The following NEGR1 variants were observed in gnomAD, a reference collection of about 807,000 sequenced individuals.
NEGR1 encodes IgLON family member 4.
A neutral mutation model predicts 40.9 loss-of-function variants in NEGR1; 10 were observed. That is an observed-to-expected ratio of 0.24 (90% CI 0.15 to 0.42). The LOEUF (loss-of-function observed/expected upper bound fraction) is 0.42, where lower values mean the gene tolerates loss of function less well. NEGR1 is among the 10% of genes least tolerant of loss of function. NEGR1 has a pLI of 1.00. For missense variants in NEGR1, 352 were observed against 438.9 expected, an observed-to-expected ratio of 0.80 and a Z score of 1.77; for synonymous variants, 185 against 166.8, an observed-to-expected ratio of 1.11 and a Z score of -0.84.
At chr1:71,657,037 G>A (rs1203074009) in intron 4 of NEGR1, among the ~76,000 whole-genome samples, 1 of 152,180 alleles carries the variant, frequency 6.6e-6, no homozygotes, top group African/African-American at 2.4e-5. Flanking sequence ...AATAAAGAAA[G>A]ATGCAAGAGT....
intron 2 of NEGR1, among the ~76,000 whole-genome samples, chr1:71,841,353 A>G (rs1233368009): frequency 1.3e-5 from 2 of 152,190 alleles, no homozygotes; most frequent in Non-Finnish European, 2.9e-5. Context: ...CCAGTATTCA[A>G]TAAACAGCTT....
chr1:71,837,611 G>T (rs1038673274), intron 2 of NEGR1, among the ~76,000 whole-genome samples: 1 of 151,924 alleles, frequency 6.6e-6, no homozygotes. Context: ...GACCCTGATT[G>T]AACATAGCAC....
intron 3 of NEGR1, among the ~76,000 whole-genome samples, chr1:71,717,401 CT>C (rs952152913): frequency 6.6e-5 from 10 of 151,994 alleles, no homozygotes; most frequent in Admixed American, 5.2e-4. Context: ...CTTAGTATTA[CT>C]TTTTTTTGAG....
chr1:71,562,011 T>C (rs943995656), intron 6 of NEGR1, among the ~76,000 whole-genome samples: 1 of 150,574 alleles, frequency 6.6e-6, no homozygotes, highest in Non-Finnish European at 1.5e-5. Flanking sequence ...CATTTTTGAA[T>C]CTGTTCCACT....
intron 1 of NEGR1, among the ~76,000 whole-genome samples, chr1:72,206,651 A>G (rs1176956315): frequency 6.6e-6 from 1 of 152,100 alleles, no homozygotes; most frequent in Non-Finnish European, 1.5e-5. Context: ...CAAGACCATT[A>G]AACAAATGCA....
At chr1:71,463,497 T>C (rs1646726911) in intron 6 of NEGR1, 1 of 152,114 alleles carries the variant, frequency 6.6e-6, no homozygotes, top group Non-Finnish European at 1.5e-5. Flanking sequence ...ACTGACAAGA[T>C]AAATGTGTAG....
At chr1:71,964,824 TA>T (rs35978891) in intron 1 of NEGR1, among the ~76,000 whole-genome samples, 63,880 of 149,934 alleles carry the variant, frequency 0.43, 14,888 homozygotes, top group East Asian at 0.64. Context: ...ATAATCACAT[TA>T]AAAAAAAAAA....
chr1:72,043,221 C>T (rs1569868285), intron 1 of NEGR1, among the ~76,000 whole-genome samples: 2 of 151,888 alleles, frequency 1.3e-5, no homozygotes, highest in African/African-American at 4.8e-5. Flanking sequence ...AGGTTTTCTT[C>T]TTCTCACGGA....
chr1:71,654,421 G>A (rs543249739), intron 4 of NEGR1, among the ~76,000 whole-genome samples: 2 of 152,220 alleles, frequency 1.3e-5, no homozygotes, highest in Admixed American at 6.5e-5. Flanking sequence ...CCGAAAGCTA[G>A]GGGTTGGAAG....
intron 1 of NEGR1, among the ~76,000 whole-genome samples, chr1:72,184,267 A>G (rs553615007): frequency 6.6e-6 from 1 of 152,252 alleles, no homozygotes; most frequent in East Asian, 1.9e-4. Context: ...AGTCAGTAGC[A>G]ACAACAGCAA....
intron 1 of NEGR1, among the ~76,000 whole-genome samples, chr1:72,031,686 C>T (rs948296085): frequency 5.9e-5 from 9 of 152,096 alleles, no homozygotes; most frequent in Non-Finnish European, 1.2e-4. Context: ...ATACTGAACA[C>T]TGAGGTCCAG....
chr1:72,195,466 AT>A (rs887498088), intron 1 of NEGR1, among the ~76,000 whole-genome samples: 5 of 151,958 alleles, frequency 3.3e-5, no homozygotes, highest in Admixed American at 6.6e-5. Flanking sequence ...AATAATTCAG[AT>A]TTTTTTCTTA....
At chr1:71,984,740 A>G (rs1202959723) in intron 1 of NEGR1, among the ~76,000 whole-genome samples, 2 of 152,144 alleles carry the variant, frequency 1.3e-5, no homozygotes, top group African/African-American at 4.8e-5. Flanking sequence ...ATATCTTAAT[A>G]TTATTTTTCA....
chr1:72,084,926 T>G (rs1648153139), intron 1 of NEGR1, among the ~76,000 whole-genome samples: 1 of 152,196 alleles, frequency 6.6e-6, no homozygotes, highest in Non-Finnish European at 1.5e-5. Flanking sequence ...AAGTGAGTAT[T>G]AAATTAAATG....
intron 1 of NEGR1, among the ~76,000 whole-genome samples, chr1:72,141,570 A>G (rs1048785541): frequency 1.3e-5 from 2 of 152,062 alleles, no homozygotes; most frequent in Admixed American, 6.6e-5. Flanking sequence ...ACCTCTTATT[A>G]AAGTTCATTT....
intron 1 of NEGR1, among the ~76,000 whole-genome samples, chr1:71,976,931 A>G (rs371461576): frequency 6.6e-6 from 1 of 152,224 alleles, no homozygotes; most frequent in Non-Finnish European, 1.5e-5. Flanking sequence ...GCCTTAGTTT[A>G]TATTTCTTTC....
chr1:71,758,171 A>C (rs1655806502), intron 3 of NEGR1, among the ~76,000 whole-genome samples: 1 of 152,094 alleles, frequency 6.6e-6, no homozygotes, highest in South Asian at 2.1e-4. Context: ...TAGTCCTTTT[A>C]AGCTCTATAT....
At chr1:71,814,008 G>C (rs1309251370) in intron 2 of NEGR1, among the ~76,000 whole-genome samples, 1 of 152,042 alleles carries the variant, frequency 6.6e-6, no homozygotes, top group Admixed American at 6.6e-5. Flanking sequence ...TCTTGTGCCA[G>C]TTTTCAAGGG....
chr1:72,084,783 T>G (rs1463557025), intron 1 of NEGR1, among the ~76,000 whole-genome samples: 1 of 152,192 alleles, frequency 6.6e-6, no homozygotes, highest in African/African-American at 2.4e-5. Context: ...GAGAAACTCA[T>G]GTTGGATTAT....
Sources: gnomAD v4.1 joint callset for allele counts (sites outside exome capture counted in the v4.1 genomes callset) on GRCh38, gnomAD v4.1.1 for gene constraint, MANE v1.5 for transcripts, NCBI Gene and HGNC (gene_info 2026-07-23, HGNC 2026-07-21) for gene names.